The following HHLA2 variants were observed in gnomAD, a reference collection of about 807,000 sequenced individuals.
HHLA2 encodes HERV-H LTR-associating protein 2.
A neutral mutation model predicts 45.9 loss-of-function variants in HHLA2; 48 were observed. The observed-to-expected ratio is 1.05, with a 90% CI of 0.83 to 1.33. HHLA2 has a LOEUF of 1.33. Ranked by LOEUF, HHLA2 falls within the 40% of genes most tolerant of loss-of-function variation. The pLI is 0.00. For synonymous variants in HHLA2, 161 were observed against 173.9 expected (o/e 0.93, Z 0.59); for missense variants, 462 against 494.3 (o/e 0.93, Z 0.62).
At chr3:108,301,456 C>A (rs779200714) in intron 1 of HHLA2, among the ~76,000 whole-genome samples, 1 of 152,098 alleles carries the variant, frequency 6.6e-6, no homozygotes, top group Non-Finnish European at 1.5e-5. Flanking sequence ...TGAGGCATTT[C>A]TTCTAGAGTT....
chr3:108,297,035 C>A (rs963908757), intron 1 of HHLA2, among the ~76,000 whole-genome samples: 1 of 152,098 alleles, frequency 6.6e-6, no homozygotes, highest in African/African-American at 2.4e-5. Flanking sequence ...AACAAAAGGA[C>A]CGTAGTAGTG....
intron 3 of HHLA2, among the ~76,000 whole-genome samples, chr3:108,337,110 T>G (rs973380012): frequency 2.0e-5 from 3 of 152,132 alleles, no homozygotes; most frequent in Admixed American, 2.0e-4. Context: ...TGTGAACTGT[T>G]TATTACTGGT....
Position 108,377,268 on chromosome 3 carries a change from G to GAA in HHLA2, c.1238_1239dup (p.Val414LysfsTer5). 1 of 1,573,102 alleles carries GAA rather than the reference G, an allele frequency of 6.4e-7. No individual in the cohort carries two copies. Among genetic ancestry groups the GAA allele is most frequent in the Non-Finnish European group, 8.7e-7 (1 of 1,145,370 alleles). ...TTTTCTTGCTTCTAGCCTCTTTCAG[G>GAA]AAAAGTATAGGAAATGAGAGAAGAC... On this transcript the variant is annotated frameshift_variant, in exon 11 of 11. Transcript: ENST00000619531. LOFTEE classifies it high-confidence loss of function.
intron 3 of HHLA2, among the ~76,000 whole-genome samples, chr3:108,346,353 T>C (rs571185921): frequency 6.6e-6 from 1 of 152,286 alleles, no homozygotes; most frequent in South Asian, 2.1e-4. Context: ...CTTATTAAAA[T>C]CTAAGTGGAT....
chr3:108,372,574 C>G (rs2082197938), intron 8 of HHLA2, among the ~76,000 whole-genome samples: 2 of 151,402 alleles, frequency 1.3e-5, no homozygotes, highest in Non-Finnish European at 3.0e-5. Flanking sequence ...AATTGATAGA[C>G]CGCTAGCAAG....
intron 7 of HHLA2, among the ~76,000 whole-genome samples, chr3:108,361,426 C>T (rs2081983173): frequency 6.6e-6 from 1 of 152,180 alleles, no homozygotes; most frequent in Non-Finnish European, 1.5e-5. Context: ...GTCATGATAT[C>T]GCAGTGCTTG....
intron 2 of HHLA2, chr3:108,326,052 C>T: frequency 3.3e-6 from 1 of 299,588 alleles, no homozygotes; most frequent in Admixed American, 3.4e-5. Flanking sequence ...GTCATGATTT[C>T]AGTCACTTTA....
intron 2 of HHLA2, among the ~76,000 whole-genome samples, chr3:108,327,331 T>C (rs74630846): frequency 0.014 from 2,188 of 152,298 alleles, 59 homozygotes; most frequent in African/African-American, 0.05. Flanking sequence ...TTGAGGTTTA[T>C]AGGGCTTCTT....
intron 7 of HHLA2, among the ~76,000 whole-genome samples, chr3:108,361,384 G>T (rs1004627497): frequency 6.6e-6 from 1 of 151,912 alleles, no homozygotes; most frequent in Admixed American, 6.6e-5. Context: ...GATGCTACCC[G>T]CCTGTTAGCC....
chr3:108,303,189 T>G (rs1186495852), intron 1 of HHLA2, among the ~76,000 whole-genome samples: 2 of 152,242 alleles, frequency 1.3e-5, no homozygotes, highest in African/African-American at 4.8e-5. Context: ...TGTATTTATG[T>G]ATCAACTCCT....
rs368195951 is a variant in HHLA2, at chr3:108,304,708, C to T, written c.-191-5947C>T. ...TACTGTGTCTGAGAGTGGGCTTCAC[C>T]TCCCTACTAATGGTCTGTTCTGCAG... On this transcript the variant is annotated intron_variant, in intron 1 of 10. Coordinates refer to ENST00000619531, the Ensembl canonical transcript of HHLA2. Among the ~76,000 whole-genome samples, 225 of 152,306 alleles carry T rather than the reference C, an allele frequency of 1.5e-3. 8 individuals carry two copies. In the South Asian group the frequency reaches 0.045, roughly 30 times the overall value.
At position 108,323,526 on chromosome 3, in the gene HHLA2, T is replaced by A. The variant is rs539121059; in HGVS notation, c.-104-4744T>A. Among the ~76,000 whole-genome samples, 6 of 152,290 alleles carry A rather than the reference T, an allele frequency of 3.9e-5. No homozygotes were observed. In the South Asian group the frequency reaches 1.2e-3, roughly 32 times the overall value. On this transcript the variant is annotated intron_variant, in intron 2 of 10. Coordinates refer to ENST00000619531, the Ensembl canonical transcript of HHLA2. ...TTAAGCTGCTGTCTTTACCCAGAAA[T>A]CCTGAGTGGGCTCATCTCTTCACAC...
chr3:108,363,962 G>C (rs1032103519), intron 8 of HHLA2, among the ~76,000 whole-genome samples: 2 of 137,984 alleles, frequency 1.4e-5, no homozygotes, highest in African/African-American at 5.4e-5. Flanking sequence ...CTTGTAAGGA[G>C]AGTGACTTAC....
Position 108,362,462 on chromosome 3 carries a change from G to A in HHLA2, c.1108+16G>A. On this transcript the variant is annotated intron_variant, in intron 8 of 10. Transcript: ENST00000619531. ...TGTTGCAGAGGTAATAGAAGAATTT[G>A]GGCTCTGCCCCACGTGTTCCACATC... 7 of 1,544,822 alleles carry A rather than the reference G, an allele frequency of 4.5e-6. No homozygotes were observed. The highest frequency in any genetic ancestry group is 6.2e-6 in the Non-Finnish European group (7 of 1,123,556).
chr3:108,330,544 G>A (rs1484402912), intron 3 of HHLA2, among the ~76,000 whole-genome samples: 1 of 152,214 alleles, frequency 6.6e-6, no homozygotes, highest in Non-Finnish European at 1.5e-5. Flanking sequence ...ACCAAGTCCA[G>A]TGAGTCCTTT....
intron 3 of HHLA2, among the ~76,000 whole-genome samples, chr3:108,344,213 A>G (rs904735503): frequency 1.3e-5 from 2 of 151,588 alleles, no homozygotes; most frequent in African/African-American, 4.9e-5. Context: ...TCCTGTATCC[A>G]TAGAACAATT....
At chr3:108,321,038 G>A (rs907956112) in intron 2 of HHLA2, among the ~76,000 whole-genome samples, 3 of 137,284 alleles carry the variant, frequency 2.2e-5, no homozygotes, top group Non-Finnish European at 3.1e-5. Context: ...AAATTGTCAA[G>A]ATCACTAGAT....
chr3:108,307,720 T>C (rs2080954150), intron 1 of HHLA2, among the ~76,000 whole-genome samples: 5 of 152,194 alleles, frequency 3.3e-5, no homozygotes, highest in African/African-American at 1.2e-4. Context: ...TGTCAAAACT[T>C]AAGAAATTAT....
chr3:108,327,326 G>A (rs991659623), intron 2 of HHLA2, among the ~76,000 whole-genome samples: 4 of 152,198 alleles, frequency 2.6e-5, no homozygotes, highest in African/African-American at 9.6e-5. Flanking sequence ...CTTGTTTGAG[G>A]TTTATAGGGC....
Sources: gnomAD v4.1 joint callset for allele counts (sites outside exome capture counted in the v4.1 genomes callset) on GRCh38, gnomAD v4.1.1 for gene constraint, MANE v1.5 for transcripts, NCBI Gene and HGNC (gene_info 2026-07-23, HGNC 2026-07-21) for gene names.